ZNF469: variants seen among roughly 807,000 people sequenced by gnomAD.
ZNF469 encodes the protein zinc finger protein 469.
Under a neutral mutation model 1.0 loss-of-function variants are expected in ZNF469, and 1 was observed. That is an observed-to-expected ratio of 1.00 (90% CI 0.35 to 4.73). The LOEUF (loss-of-function observed/expected upper bound fraction) is 4.73, where lower values mean the gene tolerates loss of function less well. ZNF469 is among the 30% of genes most tolerant of loss of function. The pLI, the probability that ZNF469 is intolerant of heterozygous loss-of-function variation, is 0.16. For missense variants in ZNF469, 6,100 were observed against 5,356.3 expected, an observed-to-expected ratio of 1.14 and a Z score of -4.33; for synonymous variants, 2,703 against 2,363.4, an observed-to-expected ratio of 1.14 and a Z score of -4.17.
chr16:88,237,695 T>C, the ZNF469 span, among the ~76,000 whole-genome samples: 219 of 17,904 alleles, frequency 0.012, 6 homozygotes, highest in African/African-American at 0.04. Context: ...CCCTGCCCTC[T>C]GTGCTCCTGC....
At chr16:88,244,693 A>T in the ZNF469 span, among the ~76,000 whole-genome samples, 1 of 118,212 alleles carries the variant, frequency 8.5e-6, no homozygotes, top group Non-Finnish European at 1.7e-5. Flanking sequence ...GGGTTTATGG[A>T]TGGATAGATG....
the ZNF469 span, among the ~76,000 whole-genome samples, chr16:88,337,460 G>T: frequency 6.6e-6 from 1 of 152,174 alleles, no homozygotes; most frequent in Non-Finnish European, 1.5e-5. Flanking sequence ...ACCCAGTCTC[G>T]GGTATGTCTT....
the ZNF469 span, among the ~76,000 whole-genome samples, chr16:88,360,829 C>T: frequency 6.6e-6 from 1 of 152,164 alleles, no homozygotes; most frequent in African/African-American, 2.4e-5. Context: ...GGCAGTCCAC[C>T]CCTGCCCGAC....
the ZNF469 span, among the ~76,000 whole-genome samples, chr16:88,298,519 C>G: frequency 1.3e-5 from 2 of 152,222 alleles, no homozygotes; most frequent in African/African-American, 4.8e-5. Flanking sequence ...AAAATGTCTT[C>G]AGTTGTTTTA....
the ZNF469 span, among the ~76,000 whole-genome samples, chr16:88,251,619 C>T: frequency 3.1e-5 from 4 of 130,072 alleles, no homozygotes; most frequent in African/African-American, 6.0e-5. Context: ...AATGCAGTGG[C>T]GTGATCTCGG....
the ZNF469 span, among the ~76,000 whole-genome samples, chr16:88,151,679 G>A: frequency 1.3e-5 from 2 of 152,280 alleles, no homozygotes; most frequent in Admixed American, 1.3e-4. The surrounding 1 kb of genome is among the most constrained non-coding windows in gnomAD (Gnocchi z 5.4). Context: ...CAATACTTGT[G>A]TGCACCCTCA....
the ZNF469 span, among the ~76,000 whole-genome samples, chr16:88,159,529 A>T: frequency 3.3e-5 from 5 of 152,038 alleles, no homozygotes; most frequent in Middle Eastern, 3.2e-3. Context: ...ATGAGCGCAG[A>T]GTGTGGAGCG....
At chr16:88,355,967 C>T in the ZNF469 span, among the ~76,000 whole-genome samples, 5 of 152,164 alleles carry the variant, frequency 3.3e-5, no homozygotes, top group African/African-American at 2.4e-5. Flanking sequence ...TTAAAGCCTC[C>T]GGCCTGGCAG....
the ZNF469 span, among the ~76,000 whole-genome samples, chr16:88,270,381 A>T: frequency 6.6e-6 from 1 of 152,180 alleles, no homozygotes; most frequent in Non-Finnish European, 1.5e-5. Flanking sequence ...GTGTGTGCCC[A>T]TGTGGCCGGC....
intron 2 of ZNF469, among the ~76,000 whole-genome samples, chr16:88,426,811 C>A (rs541284738): frequency 3.3e-5 from 5 of 152,258 alleles, no homozygotes; most frequent in African/African-American, 1.2e-4. Context: ...GCCGCCCAGG[C>A]CCTGAGAGGT....
At chr16:88,230,792 C>G in the ZNF469 span, among the ~76,000 whole-genome samples, 1 of 152,206 alleles carries the variant, frequency 6.6e-6, no homozygotes, top group African/African-American at 2.4e-5. Flanking sequence ...GCAGTCCCCA[C>G]CCGCTGCTGA....
the ZNF469 span, among the ~76,000 whole-genome samples, chr16:88,293,077 C>T: frequency 6.6e-6 from 1 of 152,172 alleles, no homozygotes; most frequent in Non-Finnish European, 1.5e-5. Context: ...AAACTGAGGC[C>T]TGTGGATGGT....
At chr16:88,246,806 T>G in the ZNF469 span, among the ~76,000 whole-genome samples, 3 of 151,796 alleles carry the variant, frequency 2.0e-5, no homozygotes, top group Non-Finnish European at 4.4e-5. Context: ...AATGAGTGAA[T>G]GAGGGAGTGA....
the ZNF469 span, among the ~76,000 whole-genome samples, chr16:88,165,787 C>T: frequency 6.6e-6 from 1 of 152,174 alleles, no homozygotes; most frequent in Admixed American, 6.5e-5. Flanking sequence ...CCCGCTTTCC[C>T]TGCCCCAGCC....
chr16:88,289,270 A>G, the ZNF469 span, among the ~76,000 whole-genome samples: 791 of 148,328 alleles, frequency 5.3e-3, 15 homozygotes, highest in South Asian at 0.052. Flanking sequence ...GATGGTGATG[A>G]TGGTGAGGGT....
the ZNF469 span, among the ~76,000 whole-genome samples, chr16:88,202,156 C>G: frequency 6.6e-6 from 1 of 152,196 alleles, no homozygotes; most frequent in South Asian, 2.1e-4. Context: ...ACGGCACCTG[C>G]GAATCCACGT....
the ZNF469 span, among the ~76,000 whole-genome samples, chr16:88,334,599 A>G: frequency 3.9e-5 from 6 of 152,248 alleles, no homozygotes; most frequent in Non-Finnish European, 7.3e-5. Context: ...TCAAAAGGTC[A>G]AACTGTGACC....
At position 88,437,122 on chromosome 16, in the gene ZNF469, C is replaced by A; in HGVS notation, c.9652C>A (p.Leu3218Met). The A allele has an allele frequency of 6.5e-7, 1 of 1,548,340 alleles. No individual in the cohort carries two copies. The change falls in exon 3 of 3, where the codon CTG becomes ATG. Residue 3218 changes from leucine to methionine, a missense_variant. Transcript: ENST00000565624. ...GTCCTTGGGGGACCTGCCCGGAGGCCTGGAGGGCAGCAGCGCTGTCGCCCA... is the reference window on the plus strand; with the variant it reads ...GTCCTTGGGGGACCTGCCCGGAGGCATGGAGGGCAGCAGCGCTGTCGCCCA... ...RRSLGDLPGG[L>M]EGSSAVAHLL...
chr16:88,267,032 C>T, the ZNF469 span, among the ~76,000 whole-genome samples: 5 of 152,318 alleles, frequency 3.3e-5, no homozygotes, highest in East Asian at 1.9e-4. Flanking sequence ...GGATTCCAGG[C>T]GCTCCGGGTG....
Sources: allele counts gnomAD v4.1 joint callset (sites outside exome capture counted in the v4.1 genomes callset), GRCh38; gene constraint gnomAD v4.1.1; non-coding constraint Gnocchi (gnomAD v3.1); transcripts MANE v1.5; gene names NCBI Gene and HGNC (gene_info 2026-07-23, HGNC 2026-07-21).